SCN4A: variants seen among roughly 807,000 people sequenced by gnomAD.
SCN4A encodes the protein sodium channel protein type 4 subunit alpha.
Under a neutral mutation model 162.0 loss-of-function variants are expected in SCN4A, and 83 were observed. The observed-to-expected ratio is 0.51, with a 90% confidence interval of 0.43 to 0.61. The LOEUF (loss-of-function observed/expected upper bound fraction) is 0.61, where lower values mean the gene tolerates loss of function less well. Ranked by LOEUF, SCN4A falls within the 20% of genes least tolerant of loss-of-function variation. The pLI, the probability that SCN4A is intolerant of heterozygous loss-of-function variation, is 0.00. For missense variants in SCN4A, 2,196 were observed against 2,462.5 expected, an observed-to-expected ratio of 0.89 and a Z score of 2.29; for synonymous variants, 944 against 985.1, an observed-to-expected ratio of 0.96 and a Z score of 0.78.
At chr17:63,968,598 G>T (rs1419647032) in intron 5 of SCN4A, among the ~76,000 whole-genome samples, 3 of 152,134 alleles carry the variant, frequency 2.0e-5, no homozygotes, top group Non-Finnish European at 4.4e-5. Flanking sequence ...AGACCTGATG[G>T]GCTGTTGCCT....
Position 63,943,833 on chromosome 17 carries a change from G to T in SCN4A, c.3930C>A (p.Ile1310=). ...ATTTCTTCTGTTCCTCCGTCATAAA[G>T]ATGTCTTTCCCCCCTAAGTATAGTG... The part of the protein sequence containing the change: ...QQKKKLGGKD[I]FMTEEQKKYY... The change falls in exon 22 of 24, where the codon ATC becomes ATA. Residue 1310 remains isoleucine, a synonymous_variant. Transcript: ENST00000435607. 6.2e-7 allele frequency: 1 copy of T among 1,611,944 alleles called. No individual in the cohort carries two copies. The highest frequency in any genetic ancestry group is 1.3e-5 in the African/African-American group (1 of 75,006).
In SCN4A at chr17:63,951,681, C is replaced by T. The variant is rs766798755; in HGVS notation, c.2596G>A (p.Glu866Lys). The T allele has an allele frequency of 1.1e-5, 18 of 1,603,850 alleles. No homozygotes were observed. Among genetic ancestry groups the T allele is most frequent in the Non-Finnish European group, 1.5e-5 (18 of 1,175,014 alleles). ...LSLGEADGAG[E>K]AGEAGETAPE... is the part of the protein sequence containing the mutation. ...GCAGTCTCCCCCGCCTCTCCAGCCT[C>T]CCCGGCCCCGTCAGCCTCCCCGAGG... Residue 866 changes from glutamate to lysine, a missense_variant, in exon 14 of 24, where the codon GAG becomes AAG. Transcript: ENST00000435607. This position sits in a 1 kb window ranked among gnomAD's most constrained non-coding sequence, Gnocchi z 4.5.
Position 63,949,386 on chromosome 17 carries a change from C to A in SCN4A, c.2989+7G>T. On this transcript the variant is annotated splice_region_variant and intron_variant, in intron 15 of 23. Coordinates refer to ENST00000435607, the MANE Select transcript of SCN4A (RefSeq NM_000334.4). ...AGACACCCAGATGAGGTGAGGGGTGCCCTCACCCTCAGTGAAGCACTCCTC... is the reference window on the plus strand; with the variant it reads ...AGACACCCAGATGAGGTGAGGGGTGACCTCACCCTCAGTGAAGCACTCCTC... 1 of 1,566,426 alleles carries A rather than the reference C, an allele frequency of 6.4e-7. No individual in the cohort carries two copies. Among genetic ancestry groups the A allele is most frequent in the Non-Finnish European group, 8.7e-7 (1 of 1,155,252 alleles).
Position 63,972,089 on chromosome 17 carries a change from TG to T in SCN4A, c.482+46del. ...CACACAGAGGTGCAAACACCTGAGA[TG>T]GGCTGTGTCCCAGGGCTGGGGAGCT... On this transcript the variant is annotated intron_variant, in intron 3 of 23. Transcript: ENST00000435607. The surrounding 1 kb of genome is among the most constrained non-coding windows in gnomAD (Gnocchi z 4.3). 1 of 1,421,150 alleles carries T rather than the reference TG, an allele frequency of 7.0e-7. No individual in the cohort carries two copies. Among genetic ancestry groups the T allele is most frequent in the Non-Finnish European group, 9.9e-7 (1 of 1,014,040 alleles). The allele number at this position is 1,421,150 out of a possible 1,614,324, so 88.0% of individuals were successfully genotyped here.
chr17:63,941,345 G>A lies in SCN4A; in HGVS notation c.4937C>T (p.Thr1646Ile). The A allele has an allele frequency of 6.2e-7, 1 of 1,613,942 alleles. No individual in the cohort carries two copies. Among genetic ancestry groups the A allele is most frequent in the Non-Finnish European group, 8.5e-7 (1 of 1,179,892 alleles). The change falls in exon 24 of 24, where the codon ACC (threonine) becomes ATC (isoleucine). Residue 1646 changes from threonine (T) to isoleucine (I), a missense_variant. Coordinates refer to ENST00000435607, the MANE Select transcript of SCN4A (RefSeq NM_000334.4). This position sits in a 1 kb window ranked among gnomAD's most constrained non-coding sequence, Gnocchi z 6.2. ...AYSRLSDFVD[T>I]LQEPLRIAKP... Reference sequence around the variant, plus strand: ...GGCAATCCTCAGCGGTTCCTGCAGGGTGTCCACGAAGTCTGAGAGGCGGCT... The same window carrying A: ...GGCAATCCTCAGCGGTTCCTGCAGGATGTCCACGAAGTCTGAGAGGCGGCT...
chr17:63,945,154 G>T lies in SCN4A; in HGVS notation c.3721-94C>A. On this transcript the variant is annotated intron_variant, in intron 19 of 23. Coordinates refer to ENST00000435607, the MANE Select transcript of SCN4A (RefSeq NM_000334.4). The surrounding 1 kb of genome is among the most constrained non-coding windows in gnomAD (Gnocchi z 4.4). ...CCCCCACCCAACCTGGTCCTCCCCT[G>T]CCAGAGGCCGCCTGCCAGAGCCCCA... 7.7e-7 allele frequency: 1 copy of T among 1,291,872 alleles called. No homozygotes were observed. Among genetic ancestry groups the T allele is most frequent in the Non-Finnish European group, 1.1e-6 (1 of 907,278 alleles). The allele number at this position is 1,291,872 out of a possible 1,614,324, so 80.0% of individuals were successfully genotyped here. A position where few individuals can be genotyped will look rare whatever the true frequency, so the allele number is the denominator to read the frequency against.
chr17:63,945,297 A>AG lies in SCN4A; in HGVS notation c.3720+62dup. The stretch of plus-strand genomic sequence containing the variant: ...AGTGACACTGGGGTTGGGTACAACG[A>AG]GAGGACCGGGGTGGGGGGCACCTCC... On this transcript the variant is annotated intron_variant, in intron 19 of 23. Coordinates refer to ENST00000435607, the MANE Select transcript of SCN4A (RefSeq NM_000334.4). The surrounding 1 kb of genome is among the most constrained non-coding windows in gnomAD (Gnocchi z 4.4). The AG allele has an allele frequency of 1.6e-6, 2 of 1,284,866 alleles. No homozygotes were observed. Among genetic ancestry groups the AG allele is most frequent in the Non-Finnish European group, 2.1e-6 (2 of 967,748 alleles). The allele number at this position is 1,284,866 out of a possible 1,614,324, so 79.6% of individuals were successfully genotyped here. A position where few individuals can be genotyped will look rare whatever the true frequency, so the allele number is the denominator to read the frequency against.
intron 11 of SCN4A, 23 bp downstream of exon 11, chr17:63,961,170 T>TTCCCCC: frequency 9.8e-7 from 1 of 1,016,006 alleles, no homozygotes; most frequent in Non-Finnish European, 1.5e-6. Flanking sequence ...CCATGAATGA[T>TTCCCCC]CCCCTCCCCC....
chr17:63,945,091 G>C lies in SCN4A; in HGVS notation c.3721-31C>G. ...AGAGTGTGGTTGGGGAGTGAGCCGG[G>C]GGGCTGCTCCCTGCTTTCATCATCC... On this transcript the variant is annotated intron_variant, in intron 19 of 23. Coordinates refer to ENST00000435607, the MANE Select transcript of SCN4A (RefSeq NM_000334.4). This position sits in a 1 kb window ranked among gnomAD's most constrained non-coding sequence, Gnocchi z 4.4. 1 of 1,606,908 alleles carries C rather than the reference G, an allele frequency of 6.2e-7. No individual in the cohort carries two copies. Among genetic ancestry groups the C allele is most frequent in the Non-Finnish European group, 8.5e-7 (1 of 1,174,502 alleles).
At chr17:63,962,496 A>G (rs1459535588) in intron 10 of SCN4A, among the ~76,000 whole-genome samples, 1 of 152,178 alleles carries the variant, frequency 6.6e-6, no homozygotes, top group Non-Finnish European at 1.5e-5. Context: ...GTGGGGACAC[A>G]TTCGGAGTGT....
Position 63,947,998 on chromosome 17 carries a change from C to G in SCN4A, c.3210G>C (p.Lys1070Asn). The G allele has an allele frequency of 6.2e-7, 1 of 1,613,912 alleles. No homozygotes were observed. Among genetic ancestry groups the G allele is most frequent in the South Asian group, 1.1e-5 (1 of 91,066 alleles). Residue 1070 changes from lysine (K) to asparagine (N), a missense_variant, in exon 17 of 24, where the codon AAG becomes AAC. Transcript: ENST00000435607. ...VIRTILEYADKVFTYIFIMEM... is the reference protein window; with the variant it reads ...VIRTILEYADNVFTYIFIMEM... ...CCATGATGAAGATGTAGGTGAAGAC[C>G]TTGTCGGCATATTCTAGGATGGTGC...
intron 15 of SCN4A, 26 bp from the exon 16 acceptor site, chr17:63,948,791 C>T (rs1332794907): frequency 1.3e-6 from 2 of 1,574,596 alleles, no homozygotes; most frequent in African/African-American, 2.7e-5. Context: ...GGGACAGGGA[C>T]AGGCACCACA....
intron 5 of SCN4A, among the ~76,000 whole-genome samples, chr17:63,970,754 C>T (rs1006775648): frequency 2.0e-5 from 3 of 152,156 alleles, no homozygotes; most frequent in Admixed American, 6.5e-5. Flanking sequence ...CTGCCTCAGC[C>T]TCCTGAGTAG....
At chr17:63,955,846 G>A (rs1207908992) in intron 13 of SCN4A, among the ~76,000 whole-genome samples, 2 of 152,156 alleles carry the variant, frequency 1.3e-5, no homozygotes, top group Non-Finnish European at 2.9e-5. Flanking sequence ...CCCTCTCTTG[G>A]TGCTGCCCCC....
Position 63,945,236 on chromosome 17 carries a change from A to G in SCN4A, c.3720+124T>C. ...TCTAGACACTGCCTGGGGATCCCAC[A>G]GCATTGGAAGCAGGGTGGGCGGTCC... On this transcript the variant is annotated intron_variant, in intron 19 of 23. Transcript: ENST00000435607. This position sits in a 1 kb window ranked among gnomAD's most constrained non-coding sequence, Gnocchi z 4.4. 2.0e-6 allele frequency: 2 copies of G among 1,002,978 alleles called. No individual in the cohort carries two copies. Among genetic ancestry groups the G allele is most frequent in the Non-Finnish European group, 3.0e-6 (2 of 665,020 alleles). 62.1% of individuals were successfully genotyped at this position (1,002,978 alleles called of 1,614,324 possible).
intron 7 of SCN4A, 93 bp from the exon 8 acceptor site, chr17:63,966,336 G>C (rs1228297233): frequency 3.4e-6 from 5 of 1,450,508 alleles, no homozygotes; most frequent in Non-Finnish European, 4.8e-6. Context: ...CGTCAGTTCT[G>C]CCTGTGTCCC....
Position 63,951,483 on chromosome 17 carries a change from C to T in SCN4A, c.2794G>A (p.Asp932Asn), listed in dbSNP as rs199656266. 47 of 1,611,762 alleles carry T rather than the reference C, an allele frequency of 2.9e-5. No homozygotes were observed. The highest frequency in any genetic ancestry group is 1.7e-4 in the African/African-American group (13 of 74,838). Residue 932 changes from aspartate to asparagine, a missense_variant, in exon 14 of 24, where the codon GAC becomes AAC. By Grantham distance (23) the Asp-to-Asn change is conservative. Transcript: ENST00000435607. The surrounding 1 kb of genome is among the most constrained non-coding windows in gnomAD (Gnocchi z 4.5). ...TCCTCCTCGGTGGGCATCTCCAGGT[C>T]GGACTCCTCGGAGGCGATGGGCACC... is the stretch of plus-strand genomic sequence containing the variant. Reference protein sequence around the residue: ...IQVPIASEESDLEMPTEEETD... With the variant: ...IQVPIASEESNLEMPTEEETD...
At chr17:63,948,135 C>T in intron 16 of SCN4A, 72 bp from the exon 17 acceptor site, 1 of 1,289,808 alleles carries the variant, frequency 7.8e-7, no homozygotes, top group Non-Finnish European at 1.1e-6. Flanking sequence ...CCCTGCCCTG[C>T]TCTATGCTGC....
chr17:63,949,423 C>T lies in SCN4A; in HGVS notation c.2959G>A (p.Gly987Arg). 2 of 1,595,022 alleles carry T rather than the reference C, an allele frequency of 1.3e-6. No homozygotes were observed. The highest frequency in any genetic ancestry group is 4.5e-5 in the East Asian group (2 of 44,038). The part of the protein sequence containing the change: ...PEEQAEENPE[G>R]EQPEECFTEA... The stretch of plus-strand genomic sequence containing the variant: ...GTGAAGCACTCCTCAGGCTGCTCCC[C>T]CTCGGGGTTCTCCTCTGCCTGCTCC... Residue 987 changes from glycine to arginine, a missense_variant, in exon 15 of 24, where the codon GGG becomes AGG. Transcript: ENST00000435607.
Sources: gnomAD v4.1 joint callset for allele counts (sites outside exome capture counted in the v4.1 genomes callset) on GRCh38, gnomAD v4.1.1 for gene constraint, Gnocchi (gnomAD v3.1) non-coding constraint, MANE v1.5 for transcripts, NCBI Gene and HGNC (gene_info 2026-07-23, HGNC 2026-07-21) for gene names.